The following AKAP7 variants were observed in gnomAD, a reference collection of about 807,000 sequenced individuals.
AKAP7 encodes A kinase (PRKA) anchor protein 7.
AKAP7 carries 39 observed loss-of-function variants against 39.5 expected under a neutral mutation model. The ratio of observed to expected loss-of-function variants is 0.99; its 90% CI spans 0.76 to 1.29. The LOEUF (loss-of-function observed/expected upper bound fraction) is 1.29. AKAP7 is among the 50% of genes most tolerant of loss of function. AKAP7 has a pLI of 0.00. For missense variants in AKAP7, 414 were observed against 407.7 expected (o/e 1.02, Z -0.13); for synonymous variants, 140 against 139.1 (o/e 1.01, Z -0.05).
At chr6:131,249,202 A>T (rs907490114) in intron 7 of AKAP7, among the ~76,000 whole-genome samples, 1 of 152,194 alleles carries the variant, frequency 6.6e-6, no homozygotes, top group Non-Finnish European at 1.5e-5. Flanking sequence ...AGTGCATATT[A>T]ATGTACCTGT....
intron 5 of AKAP7, chr6:131,185,381 C>T (rs1344514916): frequency 2.3e-5 from 12 of 531,594 alleles, no homozygotes; most frequent in Non-Finnish European, 2.9e-5. Context: ...CAGGCACATG[C>T]TGTGCTCAGC....
intron 7 of AKAP7, among the ~76,000 whole-genome samples, chr6:131,253,879 G>A (rs1252638288): frequency 6.6e-6 from 1 of 152,048 alleles, no homozygotes; most frequent in East Asian, 1.9e-4. Flanking sequence ...TTCATCTATT[G>A]ATGGAAAGTT....
intron 5 of AKAP7, among the ~76,000 whole-genome samples, chr6:131,191,910 G>A (rs1251997474): frequency 6.6e-6 from 1 of 151,214 alleles, no homozygotes; most frequent in African/African-American, 2.4e-5. Context: ...AAGTAGCTGG[G>A]GCTACAGGTG....
At chr6:131,181,234 C>G (rs1016971430) in intron 5 of AKAP7, among the ~76,000 whole-genome samples, 7 of 152,146 alleles carry the variant, frequency 4.6e-5, no homozygotes, top group African/African-American at 1.7e-4. Flanking sequence ...CCGCGCCTGG[C>G]CCCATGTTTC....
rs531582478 is a variant in AKAP7 at position 131,207,491 on chromosome 6, A to ATTTTTTT, written c.702+7938_702+7944dup. 1.4e-3 allele frequency among the ~76,000 whole-genome samples: 107 copies of ATTTTTTT among 78,794 alleles called. 6 individuals are homozygous for ATTTTTTT. The highest frequency in any genetic ancestry group is 4.0e-3 in the African/African-American group (81 of 20,144). The allele number at this position is 78,794 out of a possible 152,430, so 51.7% of individuals were successfully genotyped here. A position where few individuals can be genotyped will look rare whatever the true frequency, so the allele number is the denominator to read the frequency against. On this transcript the variant is annotated intron_variant, in intron 6 of 7. Coordinates refer to ENST00000431975, the MANE Select transcript of AKAP7 (RefSeq NM_016377.4). ...TGCACACCATGCCTGGCTAATTAAA[A>ATTTTTTT]TTTTTTTTTTTTTTTTTTTTTTTTT...
chr6:131,146,720 A>G (rs1355130497), intron 2 of AKAP7, among the ~76,000 whole-genome samples: 3 of 152,226 alleles, frequency 2.0e-5, no homozygotes, highest in Non-Finnish European at 2.9e-5. Context: ...ATAACAAATC[A>G]TCTGCTTTAG....
At chr6:131,210,689 T>C (rs1337977790) in intron 6 of AKAP7, among the ~76,000 whole-genome samples, 1 of 152,242 alleles carries the variant, frequency 6.6e-6, no homozygotes, top group African/African-American at 2.4e-5. Context: ...TAGAGCAGAA[T>C]ATTTCTTTCA....
At chr6:131,273,803 T>G (rs987052342) in intron 7 of AKAP7, among the ~76,000 whole-genome samples, 2 of 152,138 alleles carry the variant, frequency 1.3e-5, no homozygotes, top group African/African-American at 4.8e-5. Context: ...CTGCCTCAGG[T>G]TTTTTCTTTG....
At chr6:131,224,987 C>T (rs1810042638) in intron 7 of AKAP7, among the ~76,000 whole-genome samples, 2 of 151,944 alleles carry the variant, frequency 1.3e-5, no homozygotes, top group South Asian at 2.1e-4. Context: ...GAACTCCTGA[C>T]CTCAGGTGAT....
At chr6:131,164,647 C>T (rs1462676326) in intron 3 of AKAP7, 2 of 317,598 alleles carry the variant, frequency 6.3e-6, no homozygotes, top group African/African-American at 4.4e-5. Flanking sequence ...ATAATTATTG[C>T]TTCTAACAGA....
At chr6:131,134,739 A>G (rs911959470), upstream of AKAP7, among the ~76,000 whole-genome samples, 1 of 152,178 alleles carries the variant, frequency 6.6e-6, no homozygotes, top group African/African-American at 2.4e-5. Flanking sequence ...GTGGCTGTGT[A>G]GGGGTCTTCT....
At chr6:131,265,881 T>A (rs1381446215) in intron 7 of AKAP7, among the ~76,000 whole-genome samples, 1 of 152,184 alleles carries the variant, frequency 6.6e-6, no homozygotes, top group Admixed American at 6.5e-5. Flanking sequence ...AGGCACATAA[T>A]AGATGCGTAC....
At chr6:131,183,845 A>G (rs1438409539) in intron 5 of AKAP7, among the ~76,000 whole-genome samples, 2 of 152,090 alleles carry the variant, frequency 1.3e-5, no homozygotes, top group Non-Finnish European at 2.9e-5. Flanking sequence ...ACACAGGGGC[A>G]TGGAAAGCTC....
At chr6:131,226,168 G>C (rs1307215411) in intron 7 of AKAP7, among the ~76,000 whole-genome samples, 2 of 152,166 alleles carry the variant, frequency 1.3e-5, no homozygotes, top group Non-Finnish European at 2.9e-5. Context: ...GTACAAATCT[G>C]TTTACCTTTA....
chr6:131,184,312 G>GT (rs1805596298), intron 5 of AKAP7: 2 of 613,030 alleles, frequency 3.3e-6, no homozygotes, highest in African/African-American at 1.8e-5. Context: ...CGGGGAGCAG[G>GT]GGGGTGGCTA....
intron 5 of AKAP7, among the ~76,000 whole-genome samples, chr6:131,185,908 C>A (rs1805799806): frequency 6.6e-6 from 1 of 152,014 alleles, no homozygotes; most frequent in Admixed American, 6.6e-5. Flanking sequence ...TGTCTTGAAC[C>A]TTTCCCTCTA....
chr6:131,135,325 CCCAGCGTCGCATT>C (rs1211110769), upstream of AKAP7, among the ~76,000 whole-genome samples: 1 of 152,214 alleles, frequency 6.6e-6, no homozygotes, highest in Non-Finnish European at 1.5e-5. Flanking sequence ...CAGGCGAAGA[CCCAGCGTCGCATT>C]GCAGAGTCGA....
At chr6:131,210,641 C>T (rs1396274424) in intron 6 of AKAP7, among the ~76,000 whole-genome samples, 1 of 152,220 alleles carries the variant, frequency 6.6e-6, no homozygotes, top group Non-Finnish European at 1.5e-5. Context: ...TTCCCCACAG[C>T]TGGATCTAAT....
At chr6:131,189,498 G>A (rs200276358) in intron 5 of AKAP7, among the ~76,000 whole-genome samples, 1 of 42,692 alleles carries the variant, frequency 2.3e-5, no homozygotes, top group South Asian at 1.4e-3. Flanking sequence ...TTGCAAAAAG[G>A]GTATATAAGT....
Sources: gnomAD v4.1 joint callset for allele counts (sites outside exome capture counted in the v4.1 genomes callset) on GRCh38, gnomAD v4.1.1 for gene constraint, MANE v1.5 for transcripts, NCBI Gene and HGNC (gene_info 2026-07-23, HGNC 2026-07-21) for gene names.